The following MORC2 variants were observed in gnomAD, a reference collection of about 807,000 sequenced individuals.
The protein encoded by MORC2 is MORC family CW-type zinc finger 2.
A neutral mutation model predicts 136.0 loss-of-function variants in MORC2; 30 were observed. That is an observed-to-expected ratio of 0.22 (90% CI 0.17 to 0.30). The LOEUF (loss-of-function observed/expected upper bound fraction) is 0.30. MORC2 is among the 10% of genes least tolerant of loss of function. The probability of loss-of-function intolerance (pLI) is 1.00; values close to 1 mark genes in which losing one functional copy is unlikely to be tolerated. For missense variants in MORC2, 922 were observed against 1,333.1 expected (o/e 0.69, Z 4.80); for synonymous variants, 439 against 487.0 (o/e 0.90, Z 1.30).
chr22:30,941,938 G>C lies in MORC2; in HGVS notation c.651C>G (p.Ile217Met), dbSNP rs1250884654. The C allele has an allele frequency of 1.2e-6, 2 of 1,613,950 alleles. No individual in the cohort carries two copies. Among genetic ancestry groups the C allele is most frequent in the Admixed American group, 3.3e-5 (2 of 60,026 alleles). ...MDNGEPELDIISNPRDIQMAE... is the reference protein window; with the variant it reads ...MDNGEPELDIMSNPRDIQMAE... ...CCATCTGGATATCTCTTGGATTTGA[G>C]ATTATGTCTAGTTCTGGCTCTCCAT... is the stretch of plus-strand genomic sequence containing the variant. The change falls in exon 8 of 26, where the codon ATC (isoleucine) becomes ATG (methionine). Residue 217 changes from isoleucine to methionine, a missense_variant. By Grantham distance (10) the Ile-to-Met change is conservative (BLOSUM62 1). Around this residue, in one of 9 missense-constraint regions of MORC2, gnomAD observed 261 missense variants for 354.3 expected, o/e 0.74. Coordinates refer to ENST00000397641, the MANE Select transcript of MORC2 (RefSeq NM_001303256.3). The surrounding 1 kb of genome is among the most constrained non-coding windows in gnomAD (Gnocchi z 4.6).
Position 30,932,587 on chromosome 22 carries a change from C to CTCA in MORC2, c.2702_2704dup (p.Leu901_Ser902insMet), listed in dbSNP as rs779496791. On this transcript the variant is annotated inframe_insertion, in exon 23 of 26. Coordinates refer to ENST00000397641, the MANE Select transcript of MORC2 (RefSeq NM_001303256.3). This position sits in a 1 kb window ranked among gnomAD's most constrained non-coding sequence, Gnocchi z 4.4. ...CAGGTCGATGGTCTCGTGATTGGTG[C>CTCA]TCAGGGCAGTGGTGTCAGGCTCAAT... 49 of 1,614,060 alleles carry CTCA rather than the reference C, an allele frequency of 3.0e-5. No individual in the cohort carries two copies. The highest frequency in any genetic ancestry group is 1.9e-5 in the Non-Finnish European group (23 of 1,180,040).
At chr22:30,959,741 TAG>T (rs1202215354) in intron 1 of MORC2, among the ~76,000 whole-genome samples, 2 of 152,374 alleles carry the variant, frequency 1.3e-5, no homozygotes, top group Admixed American at 6.5e-5. Flanking sequence ...CTTTTTTGCA[TAG>T]AGTTTCAGCC....
At chr22:30,961,570 C>T (rs2041045744) in intron 1 of MORC2, among the ~76,000 whole-genome samples, 1 of 152,096 alleles carries the variant, frequency 6.6e-6, no homozygotes, top group Admixed American at 6.5e-5. Context: ...TGAGTTTGTA[C>T]TTTTAACGTA....
chr22:30,938,563 T>C (rs1323225967), intron 12 of MORC2, among the ~76,000 whole-genome samples: 1 of 152,186 alleles, frequency 6.6e-6, no homozygotes, highest in African/African-American at 2.4e-5. Flanking sequence ...ACTAGTATGA[T>C]AGTAAATTAT....
rs560948457 is a variant in MORC2, at chr22:30,934,908, G to A, written c.2066C>T (p.Ala689Val). ...TGGTGACAGTTGCTGCACCAGAGGGGCAGGTCGGGATGCAGTCTTGACGAG... is the reference window on the plus strand; with the variant it reads ...TGGTGACAGTTGCTGCACCAGAGGGACAGGTCGGGATGCAGTCTTGACGAG... ...NTLVKTASRP[A>V]PLVQQLSPSL... is the part of the protein sequence containing the mutation. The change falls in exon 19 of 26, where the codon GCC becomes GTC. Residue 689 changes from alanine to valine, a missense_variant. Around this residue, in one of 9 missense-constraint regions of MORC2, gnomAD observed 184 missense variants for 180.3 expected, o/e 1.02. Transcript: ENST00000397641. The surrounding 1 kb of genome is among the most constrained non-coding windows in gnomAD (Gnocchi z 4.4). The A allele has an allele frequency of 2.2e-5, 36 of 1,614,188 alleles. No homozygotes were observed. In the African/African-American group the frequency reaches 4.8e-4, roughly 22 times the overall value.
intron 1 of MORC2, among the ~76,000 whole-genome samples, chr22:30,962,551 C>T (rs991604439): frequency 7.3e-5 from 11 of 150,562 alleles, no homozygotes; most frequent in Non-Finnish European, 1.2e-4. Flanking sequence ...GCCAAGACTG[C>T]GCCACGGCAC....
intron 25 of MORC2, among the ~76,000 whole-genome samples, 200 bp from the exon 26 acceptor site, chr22:30,927,071 C>T (rs1188519556): frequency 2.6e-5 from 4 of 152,098 alleles, no homozygotes; most frequent in Admixed American, 2.6e-4. Flanking sequence ...GCCCAGATTT[C>T]CTACGCCCAC....
At chr22:30,950,353 C>CAAAAAAAAAAAA in intron 4 of MORC2, 24 bp downstream of exon 4, 9 of 1,481,906 alleles carry the variant, frequency 6.1e-6, no homozygotes, top group Non-Finnish European at 7.5e-6. Flanking sequence ...CCCCACCCCC[C>CAAAAAAAAAAAA]AAAACAATAA....
chr22:30,965,996 T>C (rs2041123326), intron 1 of MORC2, among the ~76,000 whole-genome samples: 1 of 152,236 alleles, frequency 6.6e-6, no homozygotes, highest in South Asian at 2.1e-4. Context: ...GGCAGCTATA[T>C]AGCCATTACC....
chr22:30,945,848 C>A (rs550118929), intron 6 of MORC2, among the ~76,000 whole-genome samples: 1 of 152,204 alleles, frequency 6.6e-6, no homozygotes, highest in Non-Finnish European at 1.5e-5. Context: ...TGCTTTACTA[C>A]CTGCCCAGGC....
rs773123800 is a variant in MORC2 at position 30,932,466 on chromosome 22, G to A, written c.2748-14C>T. 6.2e-7 allele frequency: 1 copy of A among 1,613,324 alleles called. No individual in the cohort carries two copies. The highest frequency in any genetic ancestry group is 2.2e-5 in the East Asian group (1 of 44,878). On this transcript the variant is annotated splice_polypyrimidine_tract_variant and intron_variant, in intron 23 of 25. Coordinates refer to ENST00000397641, the MANE Select transcript of MORC2 (RefSeq NM_001303256.3). The surrounding 1 kb of genome is among the most constrained non-coding windows in gnomAD (Gnocchi z 4.4). ...CGTAAACAATTCCTAAAGAAGGCAG[G>A]GACAGTAATTCAGAATGGCATGGAG...
At chr22:30,936,700 G>T in intron 16 of MORC2, 57 bp from the exon 17 acceptor site, 2 of 1,591,672 alleles carry the variant, frequency 1.3e-6, no homozygotes, top group South Asian at 1.1e-5. Context: ...GCTCGGCAAG[G>T]ACCTTTCTCT....
intron 3 of MORC2, 26 bp downstream of exon 3, chr22:30,956,737 A>C: frequency 6.6e-7 from 1 of 1,514,548 alleles, no homozygotes; most frequent in Non-Finnish European, 9.0e-7. Flanking sequence ...TGAACTAGAC[A>C]TTAGAAGGAC....
At chr22:30,931,847 GCTCA>G (rs2040580388) in intron 24 of MORC2, among the ~76,000 whole-genome samples, 1 of 152,230 alleles carries the variant, frequency 6.6e-6, no homozygotes. Context: ...CTCTTTTGCT[GCTCA>G]CTATGAGGTC....
At chr22:30,961,611 GA>G (rs2041046221) in intron 1 of MORC2, among the ~76,000 whole-genome samples, 1 of 152,036 alleles carries the variant, frequency 6.6e-6, no homozygotes, top group Non-Finnish European at 1.5e-5. Context: ...AGAGCTACCA[GA>G]AAAAAACAAG....
At chr22:30,931,602 A>G (rs572570437) in intron 24 of MORC2, among the ~76,000 whole-genome samples, 1 of 152,296 alleles carries the variant, frequency 6.6e-6, no homozygotes, top group African/African-American at 2.4e-5. Context: ...CCACTCCCAG[A>G]GCCTTTGCTC....
At chr22:30,938,711 A>G (rs1035770904) in intron 12 of MORC2, among the ~76,000 whole-genome samples, 3 of 152,132 alleles carry the variant, frequency 2.0e-5, no homozygotes, top group African/African-American at 7.2e-5. Context: ...CTGGGACTAC[A>G]GGTGCCCGCC....
intron 24 of MORC2, chr22:30,930,039 T>G (rs1470925495): frequency 6.6e-6 from 1 of 152,130 alleles, no homozygotes; most frequent in African/African-American, 2.4e-5. Flanking sequence ...TACGTTGTAG[T>G]AGAGATGGGG....
chr22:30,950,339 A>ACGC, intron 4 of MORC2, 38 bp downstream of exon 4: 1 of 539,984 alleles, frequency 1.9e-6, no homozygotes, highest in South Asian at 1.7e-5. Flanking sequence ...GTTACATCGC[A>ACGC]CCCCCCCACC....
Sources: allele counts gnomAD v4.1 joint callset (sites outside exome capture counted in the v4.1 genomes callset), GRCh38; gene constraint gnomAD v4.1.1; regional missense constraint gnomAD v4.1.1; non-coding constraint Gnocchi (gnomAD v3.1); transcripts MANE v1.5; gene names NCBI Gene and HGNC (gene_info 2026-07-23, HGNC 2026-07-21).